Variants in SFMBT1 observed in about 807,000 individuals in gnomAD.
The protein encoded by SFMBT1 is Scm like with four mbt domains 1.
A neutral mutation model predicts 108.7 loss-of-function variants in SFMBT1; 32 were observed. That is an observed-to-expected ratio of 0.29 (90% CI 0.22 to 0.40). The LOEUF (loss-of-function observed/expected upper bound fraction) is 0.40. Among genes scored for constraint, SFMBT1 ranks in the 10% least tolerant of loss-of-function variants. The pLI is 1.00. For synonymous variants in SFMBT1, 348 were observed against 369.5 expected (o/e 0.94, Z 0.67); for missense variants, 816 against 1,059.6 (o/e 0.77, Z 3.19).
chr3:52,906,870 C>T (rs1488025168), intron 19 of SFMBT1, among the ~76,000 whole-genome samples, 199 bp downstream of exon 19: 1 of 151,972 alleles, frequency 6.6e-6, no homozygotes, highest in African/African-American at 2.4e-5. Context: ...AGAGACTTTC[C>T]CCCTATAAGT....
At chr3:53,022,488 T>C (rs1002971429) in intron 1 of SFMBT1, among the ~76,000 whole-genome samples, 1 of 148,192 alleles carries the variant, frequency 6.7e-6, no homozygotes, top group Non-Finnish European at 1.5e-5. Context: ...CATAAGACCC[T>C]GTTTCTATAA....
At chr3:52,912,132 G>A (rs796732569) in intron 16 of SFMBT1, among the ~76,000 whole-genome samples, 9 of 152,198 alleles carry the variant, frequency 5.9e-5, no homozygotes, top group African/African-American at 2.2e-4. Context: ...CCTGCCTAAG[G>A]AAACATAAGG....
At chr3:52,993,874 A>C (rs1698223814) in intron 1 of SFMBT1, among the ~76,000 whole-genome samples, 2 of 150,458 alleles carry the variant, frequency 1.3e-5, no homozygotes, top group African/African-American at 4.8e-5. Context: ...AAGCATCGTA[A>C]GTCAAAGCTA....
At chr3:52,992,699 G>C (rs1025068081) in intron 1 of SFMBT1, among the ~76,000 whole-genome samples, 1 of 152,100 alleles carries the variant, frequency 6.6e-6, no homozygotes, top group Non-Finnish European at 1.5e-5. Context: ...GAAAAACTAA[G>C]GGAAATCATA....
intron 7 of SFMBT1, 131 bp from the exon 8 acceptor site, chr3:52,930,561 C>A (rs1702824829): frequency 1.6e-6 from 1 of 607,504 alleles, no homozygotes; most frequent in Admixed American, 3.0e-5. Flanking sequence ...TTTAAATGTG[C>A]AAAACTATCC....
rs979028213 is a variant in SFMBT1, at chr3:52,944,665, G to A, written c.124-1072C>T. 2.3e-3 allele frequency among the ~76,000 whole-genome samples: 345 copies of A among 151,756 alleles called. 1 individual carries two copies. The highest frequency in any genetic ancestry group is 7.3e-3 in the African/African-American group (304 of 41,434). On this transcript the variant is annotated intron_variant, in intron 3 of 20. Transcript: ENST00000394752. ...CTCCTGAGTAGTTGGGGTTACAGGC[G>A]CCCGCCACAACATCCAGCTAATTTT...
intron 20 of SFMBT1, 47 bp from the exon 21 acceptor site, chr3:52,905,323 G>A (rs1328792008): frequency 1.9e-6 from 3 of 1,584,642 alleles, no homozygotes; most frequent in African/African-American, 2.7e-5. Context: ...CACATGAAAG[G>A]CAGCTTGATC....
intron 5 of SFMBT1, among the ~76,000 whole-genome samples, chr3:52,932,861 A>G (rs1702897349): frequency 1.3e-5 from 2 of 152,356 alleles, no homozygotes; most frequent in Admixed American, 1.3e-4. Flanking sequence ...TGGTGAGCCA[A>G]GATCATGCCA....
chr3:52,919,371 C>A (rs1702451272), intron 12 of SFMBT1, among the ~76,000 whole-genome samples: 2 of 152,200 alleles, frequency 1.3e-5, no homozygotes, highest in South Asian at 4.1e-4. Context: ...CGGACACACA[C>A]TACAACATGG....
intron 1 of SFMBT1, among the ~76,000 whole-genome samples, chr3:53,002,139 G>A (rs1488215175): frequency 1.0e-4 from 15 of 149,694 alleles, no homozygotes; most frequent in African/African-American, 3.6e-4. Flanking sequence ...AGTGGCTCAC[G>A]CCTGTAATCC....
rs190267482 is a variant in SFMBT1, at chr3:52,925,261, T to C, written c.1131+770A>G. ...AAAACTGCAGTGCTCAGCTGTAATATCTGAATGCATATCATAATGTAAAAA... is the reference window on the plus strand; with the variant it reads ...AAAACTGCAGTGCTCAGCTGTAATACCTGAATGCATATCATAATGTAAAAA... On this transcript the variant is annotated intron_variant, in intron 10 of 20. Coordinates refer to ENST00000394752, the MANE Select transcript of SFMBT1 (RefSeq NM_016329.4). 6.1e-3 allele frequency among the ~76,000 whole-genome samples: 929 copies of C among 152,270 alleles called. 81 individuals carry two copies. The South Asian group carries it at 0.17, about 28-fold the overall frequency.
chr3:52,951,406 T>G (rs1259555781), intron 3 of SFMBT1, among the ~76,000 whole-genome samples: 1 of 151,770 alleles, frequency 6.6e-6, no homozygotes, highest in African/African-American at 2.4e-5. Context: ...GCAAGAAATA[T>G]TAAAAGAAAT....
chr3:52,919,212 G>C (rs1702447205), intron 12 of SFMBT1, among the ~76,000 whole-genome samples: 1 of 152,120 alleles, frequency 6.6e-6, no homozygotes, highest in South Asian at 2.1e-4. Context: ...AACTCTTAGA[G>C]AAAGTTTTAT....
rs1164873334 is a variant in SFMBT1, at chr3:52,920,545, C to T, written c.1364G>A (p.Arg455Gln). The T allele has an allele frequency of 3.7e-6, 6 of 1,611,470 alleles. No homozygotes were observed. The highest frequency in any genetic ancestry group is 1.3e-5 in the African/African-American group (1 of 74,858). ...TNGHPLSTPR[R>Q]ARVYKQRKIA... ...CAGAAATAGACAGATACCTCGTGCT[C>T]GGCGAGGAGTGCTGAGGGGGTGGCC... Residue 455 changes from arginine (R) to glutamine (Q), a missense_variant, in exon 12 of 21, where the codon CGA becomes CAA. By Grantham distance (43) the Arg-to-Gln change is conservative. Coordinates refer to ENST00000394752, the MANE Select transcript of SFMBT1 (RefSeq NM_016329.4).
At chr3:52,915,002 ATAACTGG>A (rs1403665953) in intron 14 of SFMBT1, among the ~76,000 whole-genome samples, 4 of 152,182 alleles carry the variant, frequency 2.6e-5, no homozygotes, top group Non-Finnish European at 1.5e-5. Flanking sequence ...CTTACTTCCA[ATAACTGG>A]TCAGTAAAGT....
chr3:52,978,344 T>A (rs999998081), intron 1 of SFMBT1, among the ~76,000 whole-genome samples: 2 of 152,008 alleles, frequency 1.3e-5, no homozygotes, highest in African/African-American at 4.8e-5. Flanking sequence ...TGGTGCCAAG[T>A]AAGCAAGCAA....
intron 1 of SFMBT1, among the ~76,000 whole-genome samples, chr3:53,006,795 C>A (rs970403809): frequency 6.6e-6 from 1 of 152,186 alleles, no homozygotes; most frequent in African/African-American, 2.4e-5. Context: ...TAAGCTTCCA[C>A]AGTTTACAAA....
intron 1 of SFMBT1, among the ~76,000 whole-genome samples, chr3:53,014,941 C>T (rs1366259040): frequency 1.3e-5 from 2 of 152,014 alleles, no homozygotes; most frequent in Non-Finnish European, 2.9e-5. Flanking sequence ...GTAATAGGAC[C>T]GGGAGCAGTG....
chr3:52,978,339 C>T (rs897333488), intron 1 of SFMBT1, among the ~76,000 whole-genome samples: 28 of 151,954 alleles, frequency 1.8e-4, no homozygotes, highest in Admixed American at 1.5e-3. Flanking sequence ...GTAGTTGGTG[C>T]CAAGTAAGCA....
Sources: gnomAD v4.1 joint callset for allele counts (sites outside exome capture counted in the v4.1 genomes callset) on GRCh38, gnomAD v4.1.1 for gene constraint, MANE v1.5 for transcripts, NCBI Gene and HGNC (gene_info 2026-07-23, HGNC 2026-07-21) for gene names.